Variants in LASP1 observed in about 807,000 individuals in gnomAD.
LASP1 encodes the protein LIM and SH3 protein 1.
LASP1 carries 10 observed loss-of-function variants against 38.6 expected under a neutral mutation model. The observed-to-expected ratio is 0.26, with a 90% CI of 0.16 to 0.44. The LOEUF is 0.44. Among genes scored for constraint, LASP1 ranks in the 20% least tolerant of loss-of-function variants. The pLI, the probability that LASP1 is intolerant of heterozygous loss-of-function variation, is 1.00. For synonymous variants in LASP1, 132 were observed against 140.8 expected, an observed-to-expected ratio of 0.94 and a Z score of 0.44; for missense variants, 243 against 375.7, an observed-to-expected ratio of 0.65 and a Z score of 2.92.
At chr17:38,917,957 G>A (rs1042080623) in intron 6 of LASP1, among the ~76,000 whole-genome samples, 3 of 152,070 alleles carry the variant, frequency 2.0e-5, no homozygotes, top group African/African-American at 7.2e-5. Flanking sequence ...TAGCCAACAT[G>A]ATGAAACCCT....
chr17:38,895,855 G>A (rs1914473300), intron 3 of LASP1, among the ~76,000 whole-genome samples: 1 of 152,228 alleles, frequency 6.6e-6, no homozygotes, highest in African/African-American at 2.4e-5. Context: ...TGGGTGTCAG[G>A]AGCCTCAGAT....
At chr17:38,893,637 G>A (rs1914404255) in intron 3 of LASP1, among the ~76,000 whole-genome samples, 1 of 152,146 alleles carries the variant, frequency 6.6e-6, no homozygotes, top group South Asian at 2.1e-4. Flanking sequence ...CACCAGCTGT[G>A]TGGTCTGAGA....
chr17:38,890,308 G>C (rs1347685602), intron 2 of LASP1, 112 bp from the exon 3 acceptor site: 2 of 938,620 alleles, frequency 2.1e-6, no homozygotes, highest in Non-Finnish European at 3.3e-6. Context: ...GGCCGGGCCA[G>C]GGCGTGCCCA....
intron 2 of LASP1, 163 bp from the exon 3 acceptor site, chr17:38,890,257 T>TC: frequency 1.6e-6 from 1 of 610,716 alleles, no homozygotes; most frequent in Non-Finnish European, 2.9e-6. Context: ...AACGCTTGTC[T>TC]CCCCTCGGCC....
Position 38,915,054 on chromosome 17 carries a change from C to T in LASP1, c.520C>T (p.Pro174Ser). 1 of 1,613,934 alleles carries T rather than the reference C, an allele frequency of 6.2e-7. No homozygotes were observed. The highest frequency in any genetic ancestry group is 8.5e-7 in the Non-Finnish European group (1 of 1,179,934). The change falls in exon 6 of 7, where the codon CCC becomes TCC. Residue 174 changes from proline (P) to serine (S), a missense_variant. Coordinates refer to ENST00000318008, the MANE Select transcript of LASP1 (RefSeq NM_006148.4). ...CTCCCATCTTCCAGTTTACCAGCAGCCCCAGCAGCAGCCGGTGGCCCAGTC... is the reference window on the plus strand; with the variant it reads ...CTCCCATCTTCCAGTTTACCAGCAGTCCCAGCAGCAGCCGGTGGCCCAGTC... ...IPTSAPVYQQ[P>S]QQQPVAQSYG...
At chr17:38,880,378 G>A (rs947053913) in intron 2 of LASP1, among the ~76,000 whole-genome samples, 1 of 152,216 alleles carries the variant, frequency 6.6e-6, no homozygotes, top group African/African-American at 2.4e-5. Flanking sequence ...GTTGGGTGGA[G>A]GGCTCCTGCA....
Position 38,899,747 on chromosome 17 carries a change from C to CTTTTTTTTTTTTTTTT in LASP1, c.357+1243_357+1244insTTTTTTTTTTTTTTTT, listed in dbSNP as rs34397105. The stretch of plus-strand genomic sequence containing the variant: ...CTTCCTACTTAGAGGGCGTTCAGAT[C>CTTTTTTTTTTTTTTTT]TTTTTTTTTTTTTTTGAGACAGAGT... On this transcript the variant is annotated intron_variant, in intron 4 of 6. Transcript: ENST00000318008. 6.6e-5 allele frequency among the ~76,000 whole-genome samples: 9 copies of CTTTTTTTTTTTTTTTT among 136,170 alleles called. No homozygotes were observed. The South Asian group carries it at 7.2e-4, about 11-fold the overall frequency. The allele number at this position is 136,170 out of a possible 152,430, so 89.3% of individuals were successfully genotyped here.
At chr17:38,905,459 A>T (rs1232894911) in intron 4 of LASP1, among the ~76,000 whole-genome samples, 1 of 147,426 alleles carries the variant, frequency 6.8e-6, no homozygotes, top group Non-Finnish European at 1.5e-5. Flanking sequence ...TGAACCTGGG[A>T]GGCAGAGGAT....
chr17:38,891,491 ATCT>A (rs1163291980), intron 3 of LASP1, among the ~76,000 whole-genome samples: 2 of 152,082 alleles, frequency 1.3e-5, no homozygotes, highest in East Asian at 1.9e-4. Context: ...GGAAGGTGCT[ATCT>A]TCCCCATTGT....
intron 2 of LASP1, among the ~76,000 whole-genome samples, chr17:38,880,971 T>C (rs941154272): frequency 2.0e-5 from 3 of 152,074 alleles, no homozygotes; most frequent in Non-Finnish European, 4.4e-5. Context: ...GATGTGGTGG[T>C]GGGCACCTAT....
At chr17:38,917,054 G>T (rs1915152364) in intron 6 of LASP1, among the ~76,000 whole-genome samples, 1 of 152,268 alleles carries the variant, frequency 6.6e-6, no homozygotes, top group Middle Eastern at 3.4e-3. Context: ...GCAGGGACTT[G>T]TGGGCCCCAG....
chr17:38,901,474 T>A (rs1914639703), intron 4 of LASP1, among the ~76,000 whole-genome samples: 1 of 152,162 alleles, frequency 6.6e-6, no homozygotes, highest in East Asian at 1.9e-4. Context: ...AGACTCTTGG[T>A]TTTAATGAAA....
At chr17:38,887,310 AGGAGGGTCGTCTCGTCTCT>A (rs572921748) in intron 2 of LASP1, among the ~76,000 whole-genome samples, 68 of 152,274 alleles carry the variant, frequency 4.5e-4, no homozygotes, top group African/African-American at 1.5e-3. Flanking sequence ...TGATGTTGGG[AGGAGGGTCGTCTCGTCTCT>A]GAAGCGCTCC....
chr17:38,882,409 G>A (rs530168342), intron 2 of LASP1, among the ~76,000 whole-genome samples: 6 of 152,178 alleles, frequency 3.9e-5, no homozygotes, highest in South Asian at 2.1e-4. Flanking sequence ...CACCATGCCC[G>A]GCTAATTTTT....
intron 4 of LASP1, among the ~76,000 whole-genome samples, chr17:38,902,877 A>AT (rs1430332809): frequency 2.6e-5 from 4 of 151,756 alleles, no homozygotes; most frequent in Non-Finnish European, 5.9e-5. Context: ...TAATTTTTGT[A>AT]TTTTTAGTAG....
chr17:38,910,056 C>A (rs1390305952), intron 4 of LASP1, among the ~76,000 whole-genome samples: 1 of 152,194 alleles, frequency 6.6e-6, no homozygotes, highest in African/African-American at 2.4e-5. Flanking sequence ...CCATCTCATA[C>A]TTTCACAATT....
At chr17:38,875,094 A>ATGTGTGTGTGTGT in intron 1 of LASP1, among the ~76,000 whole-genome samples, 1 of 107,052 alleles carries the variant, frequency 9.3e-6, no homozygotes, top group Admixed American at 1.0e-4. Flanking sequence ...TGTGTGAGAA[A>ATGTGTGTGTGTGT]GTGGGTCATG....
chr17:38,896,307 T>C (rs1206023855), intron 3 of LASP1, among the ~76,000 whole-genome samples: 2 of 152,180 alleles, frequency 1.3e-5, no homozygotes, highest in Non-Finnish European at 2.9e-5. Flanking sequence ...AGAGATCAGC[T>C]AGCCAGCTCC....
chr17:38,887,334 C>G (rs550695533), intron 2 of LASP1, among the ~76,000 whole-genome samples: 290 of 152,288 alleles, frequency 1.9e-3, no homozygotes, highest in Non-Finnish European at 3.0e-3. Flanking sequence ...GTCTCTGAAG[C>G]GCTCCCTCTT....
Sources: allele counts gnomAD v4.1 joint callset (sites outside exome capture counted in the v4.1 genomes callset), GRCh38; gene constraint gnomAD v4.1.1; transcripts MANE v1.5; gene names NCBI Gene and HGNC (gene_info 2026-07-23, HGNC 2026-07-21).